The following RPTOR variants were observed in gnomAD, a reference collection of about 807,000 sequenced individuals.
RPTOR encodes regulatory associated protein of MTOR complex 1.
A neutral mutation model predicts 169.9 loss-of-function variants in RPTOR; 21 were observed. The ratio of observed to expected loss-of-function variants is 0.12; its 90% CI spans 0.09 to 0.18. RPTOR has a LOEUF of 0.18. RPTOR is among the 10% of genes least tolerant of loss of function. The pLI is 1.00. For missense variants in RPTOR, 1,133 were observed against 1,855.9 expected, an observed-to-expected ratio of 0.61 and a Z score of 7.16; for synonymous variants, 732 against 753.2, an observed-to-expected ratio of 0.97 and a Z score of 0.46.
At chr17:80,750,920 A>T (rs570544238) in intron 5 of RPTOR, among the ~76,000 whole-genome samples, 14 of 152,122 alleles carry the variant, frequency 9.2e-5, no homozygotes, top group South Asian at 4.2e-4. Flanking sequence ...TTATCATCAT[A>T]AAAAAAACCT....
chr17:80,638,841 A>G (rs1355223455), intron 2 of RPTOR, among the ~76,000 whole-genome samples: 1 of 152,260 alleles, frequency 6.6e-6, no homozygotes, highest in Non-Finnish European at 1.5e-5. Flanking sequence ...GCAATAGGCA[A>G]CACAGGAACG....
At chr17:80,634,631 C>G (rs1364927472) in intron 2 of RPTOR, among the ~76,000 whole-genome samples, 2 of 59,190 alleles carry the variant, frequency 3.4e-5, no homozygotes, top group Non-Finnish European at 6.8e-5. Flanking sequence ...CGTGTGCGTA[C>G]TGTGTGTGTG....
chr17:80,891,726 G>T lies in RPTOR; in HGVS notation c.1990G>T (p.Val664Leu). 6.2e-7 allele frequency: 1 copy of T among 1,611,538 alleles called. No individual in the cohort carries two copies. The highest frequency in any genetic ancestry group is 8.5e-7 in the Non-Finnish European group (1 of 1,177,858). Reference sequence around the variant, plus strand: ...CCCTTCTCCCTCTCGGCAGGAGCTGGTGGTGGCTCTGAGTCATCTTGTGGT... The same window carrying T: ...CCCTTCTCCCTCTCGGCAGGAGCTGTTGGTGGCTCTGAGTCATCTTGTGGT... ...DGSPMVRKEL[V>L]VALSHLVVQY... Residue 664 changes from valine to leucine, a missense_variant, in exon 18 of 34, where the codon GTG (valine) becomes TTG (leucine). Val to Leu is a conservative substitution (Grantham distance 32). Coordinates refer to ENST00000306801, the MANE Select transcript of RPTOR (RefSeq NM_020761.3).
intron 4 of RPTOR, among the ~76,000 whole-genome samples, chr17:80,714,112 T>G (rs1381589325): frequency 1.3e-5 from 2 of 152,178 alleles, no homozygotes; most frequent in South Asian, 4.1e-4. Context: ...CTAACTGTTT[T>G]GTATTTTTAG....
rs370647033 is a variant in RPTOR, at chr17:80,925,485, G to A, written c.2919+5G>A. On this transcript the variant is annotated splice_donor_5th_base_variant and intron_variant, in intron 24 of 33. Transcript: ENST00000306801. ...TTTGCCCAGCCCGTCATGAAGGTGC[G>A]CCCGGGGTGTGGGGTTCAGAGTAGA... is the stretch of plus-strand genomic sequence containing the variant. 19 of 1,610,468 alleles carry A rather than the reference G, an allele frequency of 1.2e-5. No individual in the cohort carries two copies. The highest frequency in any genetic ancestry group is 1.5e-5 in the Non-Finnish European group (18 of 1,177,428).
chr17:80,834,472 A>T (rs2067541701), intron 9 of RPTOR, among the ~76,000 whole-genome samples: 1 of 152,032 alleles, frequency 6.6e-6, no homozygotes. Flanking sequence ...CAGCCTCCTG[A>T]GCCTCTGTGC....
intron 2 of RPTOR, among the ~76,000 whole-genome samples, chr17:80,634,495 TG>T (rs2065478344): frequency 1.2e-5 from 1 of 80,862 alleles, no homozygotes; most frequent in Non-Finnish European, 2.6e-5. Context: ...GTGCATACTG[TG>T]TGTGTGCATA....
intron 21 of RPTOR, among the ~76,000 whole-genome samples, chr17:80,916,946 C>CCA (rs2068680569): frequency 6.6e-6 from 1 of 152,078 alleles, no homozygotes; most frequent in Non-Finnish European, 1.5e-5. Flanking sequence ...CAAGATCACA[C>CCA]CACTGCACTC....
intron 9 of RPTOR, among the ~76,000 whole-genome samples, chr17:80,833,657 A>C (rs145613888): frequency 1.3e-5 from 2 of 152,236 alleles, no homozygotes; most frequent in Admixed American, 6.5e-5. Flanking sequence ...TCAACAGATA[A>C]ATGTTCATTA....
intron 13 of RPTOR, among the ~76,000 whole-genome samples, chr17:80,877,441 C>T (rs1315479197): frequency 6.6e-6 from 1 of 152,250 alleles, no homozygotes; most frequent in African/African-American, 2.4e-5. Flanking sequence ...TGGTAGTATA[C>T]ACCACATAGT....
At chr17:80,827,620 G>T (rs1170487093) in intron 9 of RPTOR, among the ~76,000 whole-genome samples, 5 of 152,182 alleles carry the variant, frequency 3.3e-5, no homozygotes, top group Admixed American at 3.3e-4. Flanking sequence ...CTGGGACAGG[G>T]GTCCTGGGGC....
intron 31 of RPTOR, 136 bp from the exon 32 acceptor site, chr17:80,962,325 A>G: frequency 1.4e-6 from 1 of 712,986 alleles, no homozygotes; most frequent in Non-Finnish European, 2.4e-6. Context: ...GACGCTGAGC[A>G]TCCAGGCAGC....
At chr17:80,753,525 C>T (rs1019195664) in intron 5 of RPTOR, among the ~76,000 whole-genome samples, 10 of 146,576 alleles carry the variant, frequency 6.8e-5, no homozygotes, top group African/African-American at 2.3e-4. Flanking sequence ...CCCAGCTACT[C>T]GGGAGGCTGA....
intron 18 of RPTOR, among the ~76,000 whole-genome samples, chr17:80,892,087 C>G (rs2068332204): frequency 6.6e-6 from 1 of 152,170 alleles, no homozygotes; most frequent in Non-Finnish European, 1.5e-5. Flanking sequence ...TCACAGAGAC[C>G]TTGAAGTATG....
At chr17:80,813,369 C>G (rs924132402) in intron 7 of RPTOR, among the ~76,000 whole-genome samples, 2 of 152,200 alleles carry the variant, frequency 1.3e-5, no homozygotes, top group African/African-American at 4.8e-5. Flanking sequence ...TGCATTATTT[C>G]CTGATCTTCA....
chr17:80,687,510 C>G (rs1056115327), intron 3 of RPTOR, among the ~76,000 whole-genome samples: 13 of 151,224 alleles, frequency 8.6e-5, no homozygotes, highest in African/African-American at 3.2e-4. Flanking sequence ...TGATGAAAGG[C>G]AGGGACTCAT....
chr17:80,812,450 G>A (rs983830077), intron 7 of RPTOR, among the ~76,000 whole-genome samples: 7 of 151,876 alleles, frequency 4.6e-5, no homozygotes, highest in Admixed American at 2.0e-4. Context: ...TTCCTCCTAC[G>A]CGCCTTTTAG....
At chr17:80,605,485 G>A (rs893740128) in intron 1 of RPTOR, among the ~76,000 whole-genome samples, 1 of 152,150 alleles carries the variant, frequency 6.6e-6, no homozygotes, top group Non-Finnish European at 1.5e-5. Context: ...CTGTGTCCGT[G>A]ATGAGTTGAG....
At chr17:80,744,487 CCCTGGCTACTAGCACTGT>C (rs1567888790) in intron 5 of RPTOR, among the ~76,000 whole-genome samples, 7 of 32,496 alleles carry the variant, frequency 2.2e-4, no homozygotes, top group Non-Finnish European at 4.1e-4. Context: ...ACTAGCACAG[CCCTGGCTACTAGCACTGT>C]CCTGGTTACG....
Sources: allele counts gnomAD v4.1 joint callset (sites outside exome capture counted in the v4.1 genomes callset), GRCh38; gene constraint gnomAD v4.1.1; transcripts MANE v1.5; gene names NCBI Gene and HGNC (gene_info 2026-07-23, HGNC 2026-07-21).